CD48: variants seen among roughly 807,000 people sequenced by gnomAD.
CD48 encodes the protein CD48 molecule.
A neutral mutation model predicts 22.0 loss-of-function variants in CD48; 20 were observed. The ratio of observed to expected loss-of-function variants is 0.91; its 90% confidence interval spans 0.64 to 1.32. The LOEUF (loss-of-function observed/expected upper bound fraction) is 1.32, where lower values mean the gene tolerates loss of function less well. Among genes scored for constraint, CD48 ranks in the 40% most tolerant of loss-of-function variants. The pLI is 0.00. For missense variants in CD48, 307 were observed against 286.5 expected (o/e 1.07, Z -0.52); for synonymous variants, 110 against 110.1 (o/e 1.00, Z 0.01).
chr1:160,695,764 A>T (rs1313419487), intron 1 of CD48, among the ~76,000 whole-genome samples: 3 of 151,882 alleles, frequency 2.0e-5, no homozygotes, highest in Non-Finnish European at 4.4e-5. Context: ...ACATTCTCCA[A>T]CAGGCATCAT....
chr1:160,702,380 G>A (rs531452915), intron 1 of CD48, among the ~76,000 whole-genome samples: 1 of 152,220 alleles, frequency 6.6e-6, no homozygotes, highest in South Asian at 2.1e-4. Context: ...TGTTTGTGCT[G>A]GGGGTTGCAC....
rs193231399 is a variant in CD48, at chr1:160,687,151, C to T, written c.83-1962G>A. Among the ~76,000 whole-genome samples, 704 of 152,208 alleles carry T rather than the reference C, an allele frequency of 4.6e-3. 7 individuals carry two copies. The highest frequency in any genetic ancestry group is 5.2e-3 in the Admixed American group (80 of 15,290). The stretch of plus-strand genomic sequence containing the variant: ...TTCCATGCTGAGAAAAAGAACTCAG[C>T]GATATTTCTCCCATTTGCTTTTGAA... On this transcript the variant is annotated intron_variant, in intron 1 of 3. Coordinates refer to ENST00000368046, the MANE Select transcript of CD48 (RefSeq NM_001778.4).
chr1:160,678,845 C>A lies in CD48; in HGVS notation c.*207G>T. On this transcript the variant is annotated 3_prime_UTR_variant, in exon 4 of 4. Transcript: ENST00000368046. The stretch of plus-strand genomic sequence containing the variant: ...TTGGGTGGGAAAAAAGCATGTGTAT[C>A]TCTATATCTCTGTGTACTAGAAAAC... 2.1e-6 allele frequency: 1 copy of A among 478,410 alleles called. No homozygotes were observed. The highest frequency in any genetic ancestry group is 3.7e-6 in the Non-Finnish European group (1 of 268,820). 29.6% of individuals were successfully genotyped at this position (478,410 alleles called of 1,614,324 possible).
At chr1:160,709,201 G>A (rs183150077) in intron 1 of CD48, among the ~76,000 whole-genome samples, 497 of 152,282 alleles carry the variant, frequency 3.3e-3, no homozygotes, top group Non-Finnish European at 5.8e-3. Context: ...TTTTAGACAC[G>A]TGTCTGGAGA....
At chr1:160,693,212 G>A (rs1662291236) in intron 1 of CD48, among the ~76,000 whole-genome samples, 1 of 152,236 alleles carries the variant, frequency 6.6e-6, no homozygotes, top group South Asian at 2.1e-4. Flanking sequence ...ATTTAATACA[G>A]TAAGACAAGG....
intron 1 of CD48, among the ~76,000 whole-genome samples, chr1:160,693,172 A>T (rs1192224929): frequency 6.6e-6 from 1 of 152,216 alleles, no homozygotes; most frequent in Non-Finnish European, 1.5e-5. Context: ...CCTGGGAAAA[A>T]ATCCAAGACC....
chr1:160,685,684 T>C (rs1661972696), intron 1 of CD48, among the ~76,000 whole-genome samples: 1 of 152,198 alleles, frequency 6.6e-6, no homozygotes, highest in African/African-American at 2.4e-5. Context: ...CCTAATATAT[T>C]ATCTTGATGA....
intron 1 of CD48, among the ~76,000 whole-genome samples, chr1:160,708,253 A>T (rs1460221540): frequency 1.3e-5 from 2 of 152,192 alleles, no homozygotes; most frequent in African/African-American, 4.8e-5. Flanking sequence ...TGGCTAGGAC[A>T]TAGACTAAGG....
chr1:160,708,347 AT>A (rs1662853444), intron 1 of CD48, among the ~76,000 whole-genome samples: 1 of 152,158 alleles, frequency 6.6e-6, no homozygotes, highest in African/African-American at 2.4e-5. Flanking sequence ...GCCACTAAAG[AT>A]TTTAAGCAGA....
chr1:160,686,236 T>C (rs1273949651), intron 1 of CD48, among the ~76,000 whole-genome samples: 3 of 152,182 alleles, frequency 2.0e-5, no homozygotes, highest in East Asian at 3.9e-4. Flanking sequence ...CCAGTGTCTA[T>C]GGCTAGCCTA....
At chr1:160,711,247 T>C (rs1662936298) in intron 1 of CD48, among the ~76,000 whole-genome samples, 1 of 152,184 alleles carries the variant, frequency 6.6e-6, no homozygotes, top group African/African-American at 2.4e-5. Context: ...TCAATGACAA[T>C]ATCATTTACC....
Position 160,684,532 on chromosome 1 carries a change from T to C in CD48, c.385+355A>G, listed in dbSNP as rs537679077. On this transcript the variant is annotated intron_variant, in intron 2 of 3. Coordinates refer to ENST00000368046, the MANE Select transcript of CD48 (RefSeq NM_001778.4). ...CTTTATATTAATACATTCTCTTTTT[T>C]CTTAAGTCCAATGAAGCCTAATTTC... The C allele has an allele frequency of 6.3e-5, 35 of 557,518 alleles. No homozygotes were observed. In the African/African-American group the frequency reaches 6.6e-4, roughly 10 times the overall value. The allele number at this position is 557,518 out of a possible 1,614,324, so 34.5% of individuals were successfully genotyped here.
intron 1 of CD48, among the ~76,000 whole-genome samples, chr1:160,691,200 C>G (rs895110517): frequency 1.3e-5 from 2 of 152,268 alleles, no homozygotes; most frequent in Non-Finnish European, 2.9e-5. Flanking sequence ...CAGCCCGACA[C>G]CCGTAAAGGG....
intron 1 of CD48, among the ~76,000 whole-genome samples, chr1:160,694,743 C>T (rs1335771569): frequency 1.3e-5 from 2 of 152,150 alleles, no homozygotes; most frequent in South Asian, 2.1e-4. Context: ...AGAGAAGGAA[C>T]AGGGTATCCT....
Position 160,681,736 on chromosome 1 carries a change from T to C in CD48, c.386-268A>G, listed in dbSNP as rs1279060635. On this transcript the variant is annotated intron_variant, in intron 2 of 3. Coordinates refer to ENST00000368046, the MANE Select transcript of CD48 (RefSeq NM_001778.4). ...TCCATCATATGCTCTGGGAACAAAA[T>C]GGGGTTATGATCGTGTGTGAGCCTG... 2.6e-5 allele frequency among the ~76,000 whole-genome samples: 4 copies of C among 151,996 alleles called. No individual in the cohort carries two copies. The East Asian group carries it at 5.8e-4, about 22-fold the overall frequency.
chr1:160,690,414 C>A (rs1416860937), intron 1 of CD48, among the ~76,000 whole-genome samples: 1 of 152,152 alleles, frequency 6.6e-6, no homozygotes, highest in Non-Finnish European at 1.5e-5. Context: ...AGGCTTAACA[C>A]CAGGTTCCTG....
At chr1:160,691,816 G>T (rs1662230673) in intron 1 of CD48, 2 of 368,106 alleles carry the variant, frequency 5.4e-6, no homozygotes, top group African/African-American at 2.1e-5. Context: ...GGTCATTGAG[G>T]ACAAGTCGAC....
At chr1:160,700,937 T>C (rs1298228337) in intron 1 of CD48, among the ~76,000 whole-genome samples, 1 of 152,072 alleles carries the variant, frequency 6.6e-6, no homozygotes, top group Non-Finnish European at 1.5e-5. Flanking sequence ...TAACAGTCAA[T>C]TCTTTATCAG....
At chr1:160,698,727 A>G (rs1260792485) in intron 1 of CD48, among the ~76,000 whole-genome samples, 1 of 152,118 alleles carries the variant, frequency 6.6e-6, no homozygotes, top group African/African-American at 2.4e-5. Context: ...GTTAGACGCC[A>G]TCTACAGGGA....
Sources: gnomAD v4.1 joint callset for allele counts (sites outside exome capture counted in the v4.1 genomes callset) on GRCh38, gnomAD v4.1.1 for gene constraint, MANE v1.5 for transcripts, NCBI Gene and HGNC (gene_info 2026-07-23, HGNC 2026-07-21) for gene names.